The following ATP7A variants were observed in gnomAD, a reference collection of about 807,000 sequenced individuals.
ATP7A encodes ATPase copper transporting alpha.
Under a neutral mutation model 83.5 loss-of-function variants are expected in ATP7A, and 7 were observed. The ratio of observed to expected loss-of-function variants is 0.08; its 90% CI spans 0.05 to 0.16. The LOEUF is 0.16. Ranked by LOEUF, ATP7A falls within the 10% of genes least tolerant of loss-of-function variation. The probability of loss-of-function intolerance (pLI) is 1.00; values close to 1 mark genes in which losing one functional copy is unlikely to be tolerated. For missense variants in ATP7A, 940 were observed against 1,120.8 expected, an observed-to-expected ratio of 0.84 and a Z score of 2.30; for synonymous variants, 354 against 395.2, an observed-to-expected ratio of 0.90 and a Z score of 1.24.
intron 4 of ATP7A, among the ~76,000 whole-genome samples, chrX:77,998,050 A>T (rs1603382872): frequency 9.0e-6 from 1 of 110,623 alleles, no homozygotes; most frequent in Non-Finnish European, 1.9e-5. Context: ...AAAATTAAAA[A>T]AAAAAATCAG....
In ATP7A at chrX:77,916,378, A is replaced by G. The variant is rs782459167; in HGVS notation, c.-22+5543A>G. On this transcript the variant is annotated intron_variant, in intron 1 of 22. Coordinates refer to ENST00000341514, the MANE Select transcript of ATP7A (RefSeq NM_000052.7). ...TCAAAAAAAAAAAAAAAAAGAAAAA[A>G]AAAGAGAAAGAAAATGGAAAACTCA... Among the ~76,000 whole-genome samples the G allele has an allele frequency of 1.4e-4, 15 of 109,509 alleles. No individual in the cohort carries two copies. In the East Asian group the frequency reaches 3.5e-3, roughly 25 times the overall value.
intron 1 of ATP7A, among the ~76,000 whole-genome samples, chrX:77,932,194 G>A (rs1480857722): frequency 9.1e-5 from 10 of 109,439 alleles, no homozygotes; most frequent in African/African-American, 2.7e-4. Flanking sequence ...CAGATGGGGC[G>A]GCCGGGCAGA....
At position 78,013,128 on chromosome X, in the gene ATP7A, G is replaced by C. The variant is rs1290671325; in HGVS notation, c.2406+16G>C. 8.5e-7 allele frequency: 1 copy of C among 1,176,496 alleles called. No homozygotes were observed. Among genetic ancestry groups the C allele is most frequent in the Non-Finnish European group, 1.2e-6 (1 of 863,419 alleles). ...TATAGCAAAGGTAAAGTAAGAAAGG[G>C]TGACATTTGTTAAAATGTTGGGTGG... On this transcript the variant is annotated intron_variant, in intron 10 of 22. Transcript: ENST00000341514.
intron 1 of ATP7A, among the ~76,000 whole-genome samples, chrX:77,913,968 T>C (rs1377536284): frequency 8.0e-5 from 9 of 112,733 alleles, no homozygotes; most frequent in African/African-American, 2.3e-4. Flanking sequence ...TTGAAATAAA[T>C]GGGTTATTTC....
intron 6 of ATP7A, among the ~76,000 whole-genome samples, chrX:78,005,485 C>T (rs986291400): frequency 1.8e-5 from 2 of 109,070 alleles, no homozygotes; most frequent in Non-Finnish European, 3.8e-5. Flanking sequence ...AGTTCAAGAC[C>T]ACCCTCGCCA....
chrX:77,987,524 G>A (rs1335987712), intron 2 of ATP7A, among the ~76,000 whole-genome samples: 1 of 108,078 alleles, frequency 9.3e-6, no homozygotes, highest in Non-Finnish European at 1.9e-5. Context: ...CAGCCAAAGA[G>A]ATGCAATCAT....
chrX:77,954,869 A>G (rs1490048416), intron 1 of ATP7A, among the ~76,000 whole-genome samples: 2 of 111,681 alleles, frequency 1.8e-5, no homozygotes, highest in East Asian at 5.6e-4. Context: ...TGAATTTATC[A>G]TTGGTCTTAC....
intron 1 of ATP7A, among the ~76,000 whole-genome samples, chrX:77,943,017 C>A (rs1030397848): frequency 1.9e-4 from 21 of 109,257 alleles, no homozygotes; most frequent in African/African-American, 6.0e-4. Context: ...GGGGTTTCAC[C>A]ATGGCCAGGC....
At chrX:78,022,505 G>GTTTGTTTGTTTGTTTA (rs782072664) in intron 14 of ATP7A, among the ~76,000 whole-genome samples, 1 of 95,782 alleles carries the variant, frequency 1.0e-5, no homozygotes, top group African/African-American at 3.9e-5. Context: ...TTGTTTGTTT[G>GTTTGTTTGTTTGTTTA]TTTATTTATT....
intron 1 of ATP7A, among the ~76,000 whole-genome samples, chrX:77,931,979 G>T (rs1603371747): frequency 9.5e-6 from 1 of 104,802 alleles, no homozygotes; most frequent in Non-Finnish European, 2.0e-5. Context: ...CGGACGGGGC[G>T]GCTGGCTGAG....
intron 1 of ATP7A, chrX:77,964,792 C>T (rs2077494767): frequency 8.9e-6 from 1 of 111,842 alleles, no homozygotes; most frequent in Non-Finnish European, 1.9e-5. Flanking sequence ...GTATATGTGC[C>T]ACATTTTCTT....
chrX:78,008,533 A>T (rs1254828298), intron 6 of ATP7A, among the ~76,000 whole-genome samples: 2 of 111,506 alleles, frequency 1.8e-5, no homozygotes, highest in Non-Finnish European at 3.8e-5. Context: ...ATGAAAAAAA[A>T]ATCCAGCGGG....
rs1296215594 is a variant in ATP7A at position 77,916,372 on chromosome X, GA to G, written c.-22+5546del. Among the ~76,000 whole-genome samples the G allele has an allele frequency of 1.1e-4, 11 of 98,164 alleles. No homozygotes were observed. The East Asian group carries it at 2.6e-3, about 23-fold the overall frequency. 85.2% of individuals were successfully genotyped at this position (98,164 alleles called of 115,157 possible). A position where few individuals can be genotyped will look rare whatever the true frequency, so the allele number is the denominator to read the frequency against. On this transcript the variant is annotated intron_variant, in intron 1 of 22. Coordinates refer to ENST00000341514, the MANE Select transcript of ATP7A (RefSeq NM_000052.7). ...CCTGTCTCAAAAAAAAAAAAAAAAA[GA>G]AAAAAAAAGAGAAAGAAAATGGAAA...
chrX:77,981,865 C>T, intron 2 of ATP7A, among the ~76,000 whole-genome samples: 1 of 111,243 alleles, frequency 9.0e-6, no homozygotes, highest in East Asian at 2.8e-4. Context: ...TTGTCTTTTT[C>T]TAGTTTATAA....
chrX:77,984,974 A>T (rs2149080815), intron 2 of ATP7A, among the ~76,000 whole-genome samples: 1 of 112,286 alleles, frequency 8.9e-6, no homozygotes, highest in Non-Finnish European at 1.9e-5. Flanking sequence ...TTTTATAAAT[A>T]AAAGATAGGC....
chrX:77,937,607 A>T (rs1278520269), intron 1 of ATP7A, among the ~76,000 whole-genome samples: 1 of 112,030 alleles, frequency 8.9e-6, no homozygotes, highest in African/African-American at 3.2e-5. Context: ...GTATTTTTAT[A>T]CCATGGAATA....
intron 5 of ATP7A, among the ~76,000 whole-genome samples, chrX:78,000,747 G>A (rs782764437): frequency 1.8e-5 from 2 of 109,717 alleles, no homozygotes; most frequent in Non-Finnish European, 3.8e-5. Flanking sequence ...TCACTGCAGC[G>A]TCTACCTCCT....
intron 2 of ATP7A, among the ~76,000 whole-genome samples, chrX:77,979,761 G>A (rs1182965748): frequency 1.8e-5 from 2 of 112,571 alleles, no homozygotes; most frequent in African/African-American, 3.2e-5. Flanking sequence ...CAAAAAGAGT[G>A]AATAGTCAGG....
rs781813469 is a variant in ATP7A, at chrX:78,011,367, A to G, written c.1947-82A>G. The G allele has an allele frequency of 6.7e-6, 7 of 1,051,714 alleles. No homozygotes were observed. The African/African-American group carries it at 9.3e-5, about 14-fold the overall frequency. The allele number at this position is 1,051,714 out of a possible 1,213,427, so 86.7% of individuals were successfully genotyped here. A position where few individuals can be genotyped will look rare whatever the true frequency, so the allele number is the denominator to read the frequency against. ...ATACTGGATGAAATGGTCACAATGTATATCTCTCTGTAGTATGTAGAATCT... is the reference window on the plus strand; with the variant it reads ...ATACTGGATGAAATGGTCACAATGTGTATCTCTCTGTAGTATGTAGAATCT... On this transcript the variant is annotated intron_variant, in intron 8 of 22. Coordinates refer to ENST00000341514, the MANE Select transcript of ATP7A (RefSeq NM_000052.7).
Sources: allele counts gnomAD v4.1 joint callset (sites outside exome capture counted in the v4.1 genomes callset), GRCh38; gene constraint gnomAD v4.1.1; transcripts MANE v1.5; gene names NCBI Gene and HGNC (gene_info 2026-07-23, HGNC 2026-07-21).